BRD9: variants seen among roughly 807,000 people sequenced by gnomAD.
The protein encoded by BRD9 is bromodomain-containing protein 9.
A neutral mutation model predicts 68.7 loss-of-function variants in BRD9; 47 were observed. The ratio of observed to expected loss-of-function variants is 0.68; its 90% CI spans 0.54 to 0.87. BRD9 has a LOEUF of 0.87. Ranked by LOEUF, BRD9 falls within the 40% of genes least tolerant of loss-of-function variation. The pLI, the probability that BRD9 is intolerant of heterozygous loss-of-function variation, is 0.00. For synonymous variants in BRD9, 313 were observed against 293.9 expected (o/e 1.06, Z -0.67); for missense variants, 670 against 748.4 (o/e 0.90, Z 1.22).
intron 7 of BRD9, 141 bp from the exon 8 acceptor site, chr5:884,211 G>A: frequency 4.0e-6 from 4 of 989,400 alleles, no homozygotes; most frequent in Non-Finnish European, 5.8e-6. Flanking sequence ...CTCCTTTTAG[G>A]TCTCAAAGCA....
At chr5:881,906 A>C (rs923087306) in intron 8 of BRD9, 13 of 152,606 alleles carry the variant, frequency 8.5e-5, no homozygotes, top group African/African-American at 3.1e-4. Flanking sequence ...ACAAGTCCTC[A>C]CGGCGCAGAT....
chr5:892,276 G>C (rs559999041), intron 1 of BRD9: 1 of 487,194 alleles, frequency 2.1e-6, no homozygotes, highest in South Asian at 2.8e-5. Flanking sequence ...GGGAGAGGGA[G>C]GGAAAGGCGG....
At chr5:885,362 C>T (rs1320128632) in intron 7 of BRD9, among the ~76,000 whole-genome samples, 1 of 152,224 alleles carries the variant, frequency 6.6e-6, no homozygotes, top group Non-Finnish European at 1.5e-5. Flanking sequence ...CTCAAGACCA[C>T]TCTCCCTTTT....
In BRD9 at chr5:892,300, C is replaced by T. The variant is rs548607008; in HGVS notation, c.52+306G>A. 16 of 537,650 alleles carry T rather than the reference C, an allele frequency of 3.0e-5. No individual in the cohort carries two copies. The East Asian group carries it at 5.6e-4, about 19-fold the overall frequency. The allele number at this position is 537,650 out of a possible 1,614,324, so 33.3% of individuals were successfully genotyped here. A position where few individuals can be genotyped will look rare whatever the true frequency, so the allele number is the denominator to read the frequency against. On this transcript the variant is annotated intron_variant, in intron 1 of 15. Coordinates refer to ENST00000467963, the MANE Select transcript of BRD9 (RefSeq NM_023924.5). Reference sequence around the variant, plus strand: ...AGGGAAAGGCGGGAGAAAGGGCAGCCCAGCTTCTCCCTGAGCTCCACACAA... The same window carrying T: ...AGGGAAAGGCGGGAGAAAGGGCAGCTCAGCTTCTCCCTGAGCTCCACACAA...
intron 12 of BRD9, among the ~76,000 whole-genome samples, chr5:873,682 C>T (rs757788601): frequency 4.6e-5 from 7 of 152,202 alleles, no homozygotes; most frequent in African/African-American, 1.7e-4. Context: ...TGCAAATACA[C>T]ACGTCCTTTC....
intron 15 of BRD9, among the ~76,000 whole-genome samples, chr5:865,055 C>T (rs915595353): frequency 1.3e-5 from 2 of 152,180 alleles, no homozygotes; most frequent in Admixed American, 1.3e-4. Context: ...CAAGTGGGAA[C>T]AAAACCCCAC....
chr5:869,283 C>A (rs1339971284), intron 14 of BRD9: 1 of 455,874 alleles, frequency 2.2e-6, no homozygotes, highest in Admixed American at 2.4e-5. Flanking sequence ...CACAGCTGAC[C>A]AGCATTAACT....
At chr5:865,174 C>T (rs1307237063) in intron 15 of BRD9, among the ~76,000 whole-genome samples, 3 of 152,234 alleles carry the variant, frequency 2.0e-5, no homozygotes, top group Non-Finnish European at 2.9e-5. Context: ...GAACTGGGGA[C>T]GGTATCTGGC....
rs764081180 is a variant in BRD9, at chr5:891,319, C to T, written c.268-32G>A. ...GGCAGAGTCAAGGGAGTGAGAAAGG[C>T]AGGAGTAGGCGGGATCCGGACAGGT... On this transcript the variant is annotated intron_variant, in intron 2 of 15. Coordinates refer to ENST00000467963, the MANE Select transcript of BRD9 (RefSeq NM_023924.5). 3.1e-4 allele frequency: 480 copies of T among 1,546,578 alleles called. 4 individuals are homozygous for T. The highest frequency in any genetic ancestry group is 2.4e-5 in the Non-Finnish European group (27 of 1,144,274).
rs964812310 is a variant in BRD9 at position 863,980 on chromosome 5, G to C, written c.*488C>G. The C allele has an allele frequency of 6.4e-6, 1 of 155,086 alleles. No individual in the cohort carries two copies. The highest frequency in any genetic ancestry group is 1.4e-5 in the Non-Finnish European group (1 of 69,766). 9.6% of individuals were successfully genotyped at this position (155,086 alleles called of 1,614,324 possible). A position where few individuals can be genotyped will look rare whatever the true frequency, so the allele number is the denominator to read the frequency against. On this transcript the variant is annotated 3_prime_UTR_variant, in exon 16 of 16. Coordinates refer to ENST00000467963, the MANE Select transcript of BRD9 (RefSeq NM_023924.5). Reference sequence around the variant, plus strand: ...TGAGGCCAGACACACCCATGCCTGTGCCTCCCAAGAGCGACCCCAGGACAG... The same window carrying C: ...TGAGGCCAGACACACCCATGCCTGTCCCTCCCAAGAGCGACCCCAGGACAG...
rs1167886220 is a variant in BRD9 at position 864,461 on chromosome 5, T to C, written c.*7A>G. 6.3e-7 allele frequency: 1 copy of C among 1,592,428 alleles called. No individual in the cohort carries two copies. Among genetic ancestry groups the C allele is most frequent in the Non-Finnish European group, 8.6e-7 (1 of 1,166,966 alleles). ...AATAAAATAAAAGAGCTGAAGGTGG[T>C]CTAGAGTTAGGTCTTGGCAGAGGCC... On this transcript the variant is annotated 3_prime_UTR_variant, in exon 16 of 16. Coordinates refer to ENST00000467963, the MANE Select transcript of BRD9 (RefSeq NM_023924.5).
intron 5 of BRD9, 58 bp from the exon 6 acceptor site, chr5:887,529 C>G (rs898942006): frequency 3.1e-6 from 4 of 1,288,490 alleles, no homozygotes; most frequent in Non-Finnish European, 4.5e-6. Context: ...AACAGCAAAG[C>G]TCTAGATGAC....
intron 11 of BRD9, among the ~76,000 whole-genome samples, chr5:877,024 T>A (rs1220033772): frequency 6.6e-6 from 1 of 152,236 alleles, no homozygotes; most frequent in Non-Finnish European, 1.5e-5. Context: ...CTTCTGAGTG[T>A]TGCCCCTGCA....
Position 865,455 on chromosome 5 carries a change from C to G in BRD9, c.1652G>C (p.Ser551Thr). Residue 551 changes from serine to threonine, a missense_variant, in exon 15 of 16, where the codon AGC becomes ACC. Physicochemically the swap from Ser to Thr is moderately conservative, Grantham distance 58. Coordinates refer to ENST00000467963, the MANE Select transcript of BRD9 (RefSeq NM_023924.5). ...RGGSRPSSNL[S>T]SLSNASERDQ... is the part of the protein sequence containing the mutation. ...CCTCTCGGAGGCGTTGGACAGGGAG[C>G]TGAGGTTGGACGACGGCCGAGAGCC... 1 of 1,597,596 alleles carries G rather than the reference C, an allele frequency of 6.3e-7. No homozygotes were observed. The highest frequency in any genetic ancestry group is 8.5e-7 in the Non-Finnish European group (1 of 1,169,754).
chr5:891,558 C>T (rs1379350249), intron 2 of BRD9, 82 bp downstream of exon 2: 17 of 1,503,972 alleles, frequency 1.1e-5, no homozygotes, highest in East Asian at 4.9e-5. Context: ...GCCACGCAGG[C>T]GCACTCTGCC....
At chr5:875,349 C>CA (rs796725464) in intron 12 of BRD9, among the ~76,000 whole-genome samples, 1,881 of 140,104 alleles carry the variant, frequency 0.013, 30 homozygotes, top group African/African-American at 0.041. Context: ...ACTTCAGACG[C>CA]TTTTTTTTTT....
At chr5:892,513 C>T in intron 1 of BRD9, 93 bp downstream of exon 1, 1 of 1,490,622 alleles carries the variant, frequency 6.7e-7, no homozygotes, top group East Asian at 2.6e-5. Context: ...CAGGACCTCG[C>T]CCGGTGCCCA....
rs1207026124 is a variant in BRD9 at position 889,645 on chromosome 5, C to T, written c.403G>A (p.Glu135Lys). 5 of 1,613,134 alleles carry T rather than the reference C, an allele frequency of 3.1e-6. No individual in the cohort carries two copies. Among genetic ancestry groups the T allele is most frequent in the Admixed American group, 1.7e-5 (1 of 59,984 alleles). ...TGCTGAATAGGTGTGCTCTCATTTT[C>T]GGCTGACAATTTAAGGAAAAAAAAA... is the stretch of plus-strand genomic sequence containing the variant. ...PVRACRTQPA[E>K]NESTPIQQLL... The change falls in exon 4 of 16, where the codon GAA (glutamate) becomes AAA (lysine). Residue 135 changes from glutamate (E) to lysine (K), a missense_variant and splice_region_variant. Glu to Lys is a moderately conservative substitution (Grantham distance 56, BLOSUM62 1). Coordinates refer to ENST00000467963, the MANE Select transcript of BRD9 (RefSeq NM_023924.5).
At chr5:889,680 A>G in intron 3 of BRD9, 33 bp from the exon 4 acceptor site, 1 of 1,608,926 alleles carries the variant, frequency 6.2e-7, no homozygotes, top group Middle Eastern at 1.7e-4. Context: ...ATTGAATACA[A>G]GACTTTGGTA....
Sources: gnomAD v4.1 joint callset for allele counts (sites outside exome capture counted in the v4.1 genomes callset) on GRCh38, gnomAD v4.1.1 for gene constraint, MANE v1.5 for transcripts, NCBI Gene and HGNC (gene_info 2026-07-23, HGNC 2026-07-21) for gene names.